The following ADAM22 variants were observed in gnomAD, a reference collection of about 807,000 sequenced individuals.
ADAM22 encodes the protein ADAM metallopeptidase domain 22.
ADAM22 carries 65 observed loss-of-function variants against 144.6 expected under a neutral mutation model. That is an observed-to-expected ratio of 0.45 (90% CI 0.37 to 0.55). The LOEUF (loss-of-function observed/expected upper bound fraction) is 0.55, where lower values mean the gene tolerates loss of function less well. Ranked by LOEUF, ADAM22 falls within the 20% of genes least tolerant of loss-of-function variation. The pLI is 0.00. For missense variants in ADAM22, 974 were observed against 1,184.9 expected (o/e 0.82, Z 2.61); for synonymous variants, 391 against 412.6 (o/e 0.95, Z 0.63).
rs1306552979 is a variant in ADAM22, at chr7:87,951,490, A to G, written c.246+16304A>G. On this transcript the variant is annotated intron_variant, in intron 2 of 31. Coordinates refer to ENST00000413139, the MANE Select transcript of ADAM22 (RefSeq NM_001324418.2). ...ATTTCTGAGGGCTCTGTTCTGTTCC[A>G]TTGATCTATATCTGTGTTTTGGTAC... 4.6e-4 allele frequency among the ~76,000 whole-genome samples: 41 copies of G among 90,036 alleles called. 5 individuals carry two copies. The highest frequency in any genetic ancestry group is 2.8e-3 in the Admixed American group (29 of 10,346). 59.1% of individuals were successfully genotyped at this position (90,036 alleles called of 152,430 possible). A position where few individuals can be genotyped will look rare whatever the true frequency, so the allele number is the denominator to read the frequency against.
At chr7:87,960,566 C>T (rs1046169057) in intron 2 of ADAM22, among the ~76,000 whole-genome samples, 1 of 152,252 alleles carries the variant, frequency 6.6e-6, no homozygotes. Context: ...ATTAATCATG[C>T]CTTTTTATAG....
chr7:87,969,594 G>A (rs942841383), intron 2 of ADAM22, among the ~76,000 whole-genome samples: 9 of 152,172 alleles, frequency 5.9e-5, no homozygotes, highest in African/African-American at 2.2e-4. Flanking sequence ...TCTACAAAGT[G>A]TGTATTATTA....
rs1484172202 is a variant in ADAM22 at position 88,145,175 on chromosome 7, G to C, written c.1371G>C (p.Glu457Asp). 1 of 1,613,660 alleles carries C rather than the reference G, an allele frequency of 6.2e-7. No individual in the cohort carries two copies. The highest frequency in any genetic ancestry group is 8.5e-7 in the Non-Finnish European group (1 of 1,179,862). Reference sequence around the variant, plus strand: ...ATGGCTTCATTGAAACTGGAGAGGAGTGTGATTGTGGAACCCCGGCCGTAA... The same window carrying C: ...ATGGCTTCATTGAAACTGGAGAGGACTGTGATTGTGGAACCCCGGCCGTAA... ...CGNGFIETGE[E>D]CDCGTPAECV... Residue 457 changes from glutamate to aspartate, a missense_variant, in exon 16 of 32, where the codon GAG (glutamate) becomes GAC (aspartate). Transcript: ENST00000413139.
In ADAM22 at chr7:88,145,484, G is replaced by A; in HGVS notation, c.1462G>A (p.Gly488Ser). Residue 488 changes from glycine to serine, a missense_variant, in exon 17 of 32, where the codon GGT becomes AGT. Gly to Ser is a moderately conservative substitution (Grantham distance 56). Transcript: ENST00000413139. Reference sequence around the variant, plus strand: ...GACTCAAGACTCTCAATGCAGTGACGGTCTTTGCTGTAAAAAGTGCAAGGT... The same window carrying A: ...GACTCAAGACTCTCAATGCAGTGACAGTCTTTGCTGTAAAAAGTGCAAGGT... ...TLTQDSQCSD[G>S]LCCKKCKFQP... 1.2e-6 allele frequency: 2 copies of A among 1,613,380 alleles called. No individual in the cohort carries two copies. The highest frequency in any genetic ancestry group is 8.5e-7 in the Non-Finnish European group (1 of 1,179,542).
At chr7:88,185,262 A>G (rs1452862501) in intron 29 of ADAM22, among the ~76,000 whole-genome samples, 1 of 152,208 alleles carries the variant, frequency 6.6e-6, no homozygotes, top group African/African-American at 2.4e-5. Flanking sequence ...ATAAGCAGAA[A>G]AAGCAACTGA....
intron 4 of ADAM22, among the ~76,000 whole-genome samples, chr7:88,104,150 G>C (rs535242592): frequency 4.6e-5 from 7 of 152,122 alleles, no homozygotes; most frequent in African/African-American, 1.7e-4. Context: ...ATGAATTCTG[G>C]TTCACCCCCG....
chr7:88,185,508 G>A (rs972507827), intron 29 of ADAM22, among the ~76,000 whole-genome samples: 6 of 152,024 alleles, frequency 3.9e-5, no homozygotes, highest in Admixed American at 1.3e-4. Context: ...AATAACTTAC[G>A]TTTTATAGAG....
At chr7:88,187,411 TTCTTGAC>T (rs1364764617) in intron 30 of ADAM22, among the ~76,000 whole-genome samples, 1 of 152,216 alleles carries the variant, frequency 6.6e-6, no homozygotes, top group Non-Finnish European at 1.5e-5. Context: ...TGAAAATATA[TTCTTGAC>T]TCACAAAATA....
rs368308668 is a variant in ADAM22 at position 88,163,104 on chromosome 7, G to A, written c.2000G>A (p.Arg667Lys). 1.2e-6 allele frequency: 2 copies of A among 1,612,322 alleles called. No homozygotes were observed. Among genetic ancestry groups the A allele is most frequent in the South Asian group, 1.1e-5 (1 of 90,908 alleles). Residue 667 changes from arginine (R) to lysine (K), a missense_variant, in exon 23 of 32, where the codon AGG becomes AAG. Transcript: ENST00000413139. ...CCCCAAATGATGTGCTTAGAACACA[G>A]GTGTCTTCCTGTGGCTTCTTTCAAC... Reference protein sequence around the residue: ...CGPQMMCLEHRCLPVASFNFS... With the variant: ...CGPQMMCLEHKCLPVASFNFS...
intron 4 of ADAM22, among the ~76,000 whole-genome samples, chr7:88,078,100 G>A (rs1387288933): frequency 6.6e-6 from 1 of 152,170 alleles, no homozygotes; most frequent in Non-Finnish European, 1.5e-5. Flanking sequence ...CCCCAGTAGG[G>A]TCAGACTGAT....
chr7:87,977,791 G>A (rs1562902916), intron 2 of ADAM22, among the ~76,000 whole-genome samples: 1 of 152,034 alleles, frequency 6.6e-6, no homozygotes, highest in Non-Finnish European at 1.5e-5. Context: ...CAGTAGATGT[G>A]CAGAGGTTTA....
chr7:88,089,166 C>T (rs140177095), intron 4 of ADAM22, among the ~76,000 whole-genome samples: 1 of 152,066 alleles, frequency 6.6e-6, no homozygotes, highest in African/African-American at 2.4e-5. Flanking sequence ...TTTGCTTACC[C>T]TGGATATAAA....
chr7:88,141,300 A>G (rs1486603641), intron 14 of ADAM22, among the ~76,000 whole-genome samples: 4 of 152,196 alleles, frequency 2.6e-5, no homozygotes, highest in Admixed American at 6.5e-5. Context: ...GTCTGCTTAG[A>G]GGAAGTGGAG....
chr7:88,039,464 A>AAATATAT, intron 3 of ADAM22, among the ~76,000 whole-genome samples: 5 of 76,378 alleles, frequency 6.5e-5, no homozygotes, highest in African/African-American at 2.4e-4. Flanking sequence ...AAAAAAAAAA[A>AAATATAT]ATATATATAT....
chr7:87,966,918 C>A (rs1236011957), intron 2 of ADAM22, among the ~76,000 whole-genome samples: 1 of 151,516 alleles, frequency 6.6e-6, no homozygotes, highest in Non-Finnish European at 1.5e-5. Flanking sequence ...AATTGTAGTT[C>A]CCGTAATCCC....
chr7:88,185,050 G>T lies in ADAM22; in HGVS notation c.2664-1565G>T, dbSNP rs79563976. Among the ~76,000 whole-genome samples the T allele has an allele frequency of 3.2e-3, 481 of 152,262 alleles. 1 individual carries two copies. The highest frequency in any genetic ancestry group is 0.01 in the Middle Eastern group (3 of 292). ...GGGCTTTTTCTACGGTTTTCCCCAG[G>T]CCGGAGCATTCACTAGCCTTCATTT... On this transcript the variant is annotated intron_variant, in intron 29 of 31. Coordinates refer to ENST00000413139, the MANE Select transcript of ADAM22 (RefSeq NM_001324418.2).
intron 4 of ADAM22, among the ~76,000 whole-genome samples, chr7:88,106,014 G>A (rs57000676): frequency 0.083 from 12,619 of 152,116 alleles, 1,118 homozygotes; most frequent in African/African-American, 0.23. Flanking sequence ...ATGGAGGCAC[G>A]GGCAGTCTCT....
chr7:87,973,480 A>G (rs1208395035), intron 2 of ADAM22, among the ~76,000 whole-genome samples: 7 of 151,998 alleles, frequency 4.6e-5, no homozygotes, highest in Non-Finnish European at 8.8e-5. Flanking sequence ...ACACTTTTAC[A>G]CTGTTGGTGG....
At chr7:88,108,149 A>C (rs1181710856) in intron 4 of ADAM22, 27 bp from the exon 5 acceptor site, 9 of 1,595,660 alleles carry the variant, frequency 5.6e-6, no homozygotes, top group Middle Eastern at 3.3e-4. Context: ...TGATGCAAAG[A>C]CTTACATTCT....
Sources: allele counts gnomAD v4.1 joint callset (sites outside exome capture counted in the v4.1 genomes callset), GRCh38; gene constraint gnomAD v4.1.1; transcripts MANE v1.5; gene names NCBI Gene and HGNC (gene_info 2026-07-23, HGNC 2026-07-21).